The following PTPRZ1 variants were observed in gnomAD, a reference collection of about 807,000 sequenced individuals.
PTPRZ1 encodes receptor-type tyrosine-protein phosphatase zeta.
Under a neutral mutation model 214.1 loss-of-function variants are expected in PTPRZ1, and 82 were observed. The ratio of observed to expected loss-of-function variants is 0.38; its 90% CI spans 0.32 to 0.46. The LOEUF (loss-of-function observed/expected upper bound fraction) is 0.46. Ranked by LOEUF, PTPRZ1 falls within the 20% of genes least tolerant of loss-of-function variation. The pLI is 1.00. For missense variants in PTPRZ1, 2,603 were observed against 2,748.7 expected (o/e 0.95, Z 1.19); for synonymous variants, 945 against 987.9 (o/e 0.96, Z 0.81).
intron 2 of PTPRZ1, among the ~76,000 whole-genome samples, chr7:121,961,006 T>C (rs990396949): frequency 6.6e-6 from 1 of 152,040 alleles, no homozygotes; most frequent in African/African-American, 2.4e-5. Context: ...CTAAGAAAGG[T>C]ACTGAAACAT....
At position 122,053,936 on chromosome 7, in the gene PTPRZ1, C is replaced by G. The variant is rs750236796; in HGVS notation, c.6279C>G (p.Ile2093Met). The change falls in exon 26 of 30, where the codon ATC (isoleucine) becomes ATG (methionine). Residue 2093 changes from isoleucine to methionine, a missense_variant. Physicochemically the swap from Ile to Met is conservative, Grantham distance 10. Coordinates refer to ENST00000393386, the MANE Select transcript of PTPRZ1 (RefSeq NM_002851.3). Reference sequence around the variant, plus strand: ...GCTATTACCAGAGCAATGAATTCATCATTACCCAGCACCCTCTCCTTCATA... The same window carrying G: ...GCTATTACCAGAGCAATGAATTCATGATTACCCAGCACCCTCTCCTTCATA... ...IMGYYQSNEF[I>M]ITQHPLLHTI... 9 of 1,612,936 alleles carry G rather than the reference C, an allele frequency of 5.6e-6. No homozygotes were observed. The highest frequency in any genetic ancestry group is 1.3e-5 in the African/African-American group (1 of 74,848).
intron 1 of PTPRZ1, among the ~76,000 whole-genome samples, chr7:121,888,237 T>TC (rs1393020600): frequency 6.6e-6 from 1 of 151,824 alleles, no homozygotes; most frequent in East Asian, 1.9e-4. Flanking sequence ...ACATTTTGTG[T>TC]CAAGAATCGA....
chr7:122,047,809 G>C (rs369791340), intron 23 of PTPRZ1, among the ~76,000 whole-genome samples: 13 of 151,944 alleles, frequency 8.6e-5, no homozygotes, highest in African/African-American at 3.1e-4. Context: ...ACACAACCAC[G>C]CCTGGTTAAT....
intron 1 of PTPRZ1, among the ~76,000 whole-genome samples, chr7:121,923,387 G>A (rs1412246413): frequency 6.6e-6 from 1 of 152,096 alleles, no homozygotes; most frequent in Admixed American, 6.6e-5. Context: ...AAGAGATATG[G>A]AATCCTAGAA....
intron 1 of PTPRZ1, among the ~76,000 whole-genome samples, chr7:121,909,806 T>C (rs1473745508): frequency 6.6e-6 from 1 of 152,116 alleles, no homozygotes; most frequent in Non-Finnish European, 1.5e-5. Context: ...TCTGAAAATA[T>C]GGAGTTAAAT....
At chr7:121,993,205 A>G (rs1382857630) in intron 8 of PTPRZ1, among the ~76,000 whole-genome samples, 2 of 152,122 alleles carry the variant, frequency 1.3e-5, no homozygotes, top group African/African-American at 4.8e-5. Context: ...GAAAAATGTT[A>G]TTGATTTTCA....
At chr7:121,891,170 T>C (rs1478734948) in intron 1 of PTPRZ1, among the ~76,000 whole-genome samples, 1 of 152,178 alleles carries the variant, frequency 6.6e-6, no homozygotes, top group Non-Finnish European at 1.5e-5. Flanking sequence ...CCTTTGGTTT[T>C]TGTTCAATGA....
intron 8 of PTPRZ1, among the ~76,000 whole-genome samples, chr7:121,993,212 T>C (rs1798024763): frequency 6.6e-6 from 1 of 152,120 alleles, no homozygotes; most frequent in Non-Finnish European, 1.5e-5. Context: ...GTTATTGATT[T>C]TCAATCCAGA....
chr7:121,939,029 G>C (rs1170316485), intron 2 of PTPRZ1, among the ~76,000 whole-genome samples: 1 of 152,212 alleles, frequency 6.6e-6, no homozygotes, highest in Non-Finnish European at 1.5e-5. Flanking sequence ...CTGAGGCAGA[G>C]ACTCACACAT....
intron 23 of PTPRZ1, among the ~76,000 whole-genome samples, chr7:122,050,792 A>T (rs1792155319): frequency 2.0e-5 from 3 of 152,172 alleles, no homozygotes; most frequent in Admixed American, 2.0e-4. Context: ...AATTAAGACG[A>T]TGCAAATCAA....
At chr7:122,000,811 T>C (rs1798301157) in intron 10 of PTPRZ1, among the ~76,000 whole-genome samples, 2 of 150,094 alleles carry the variant, frequency 1.3e-5, no homozygotes, top group Non-Finnish European at 3.0e-5. Flanking sequence ...CTCAGCCTCC[T>C]GAGTAGCTGA....
At chr7:122,034,198 T>C in intron 16 of PTPRZ1, 83 bp downstream of exon 16, 1 of 1,564,072 alleles carries the variant, frequency 6.4e-7, no homozygotes, top group Non-Finnish European at 8.8e-7. Flanking sequence ...GATTATTTTG[T>C]TTGTTTTGTC....
intron 1 of PTPRZ1, among the ~76,000 whole-genome samples, chr7:121,922,775 A>G (rs1016137319): frequency 2.0e-5 from 3 of 152,170 alleles, no homozygotes; most frequent in African/African-American, 7.2e-5. Context: ...ACAGTATACT[A>G]TCTCCAGAGG....
At chr7:121,902,678 T>C (rs182965637) in intron 1 of PTPRZ1, among the ~76,000 whole-genome samples, 98 of 152,314 alleles carry the variant, frequency 6.4e-4, no homozygotes, top group Non-Finnish European at 2.6e-4. Flanking sequence ...GAAATATCTA[T>C]TCAGATCTTT....
intron 6 of PTPRZ1, among the ~76,000 whole-genome samples, chr7:121,979,755 G>C (rs1797546366): frequency 6.6e-6 from 1 of 152,170 alleles, no homozygotes; most frequent in South Asian, 2.1e-4. Flanking sequence ...GCTCTGCTGT[G>C]CTTCTCTCTT....
intron 1 of PTPRZ1, among the ~76,000 whole-genome samples, chr7:121,891,515 TA>T (rs1794620935): frequency 6.8e-6 from 1 of 146,516 alleles, no homozygotes. Flanking sequence ...TTTTGGCTGA[TA>T]TCACTGCTTC....
chr7:121,900,587 A>T (rs1310326351), intron 1 of PTPRZ1, among the ~76,000 whole-genome samples: 1 of 152,172 alleles, frequency 6.6e-6, no homozygotes, highest in Non-Finnish European at 1.5e-5. Context: ...TGTAGGGGGA[A>T]CCCACCAACA....
intron 1 of PTPRZ1, chr7:121,908,539 A>C: frequency 3.0e-6 from 1 of 338,218 alleles, no homozygotes; most frequent in Non-Finnish European, 5.7e-6. Flanking sequence ...TCAGATGTTC[A>C]TACTCCAGTC....
At chr7:121,937,790 T>C (rs549847340) in intron 2 of PTPRZ1, among the ~76,000 whole-genome samples, 50 of 152,268 alleles carry the variant, frequency 3.3e-4, no homozygotes, top group African/African-American at 1.1e-3. Context: ...AAAAGGAGCC[T>C]ATATACACAC....
Sources: allele counts gnomAD v4.1 joint callset (sites outside exome capture counted in the v4.1 genomes callset), GRCh38; gene constraint gnomAD v4.1.1; transcripts MANE v1.5; gene names NCBI Gene and HGNC (gene_info 2026-07-23, HGNC 2026-07-21).